MANSC1: variants seen among roughly 807,000 people sequenced by gnomAD.
The protein encoded by MANSC1 is MANSC domain-containing protein 1.
In MANSC1, 13 loss-of-function variants were observed where a neutral mutation model predicts 14.1. That is an observed-to-expected ratio of 0.92 (90% CI 0.60 to 1.46). The LOEUF is 1.46. MANSC1 is among the 40% of genes most tolerant of loss of function. The pLI is 0.00. For synonymous variants in MANSC1, 227 were observed against 200.7 expected, an observed-to-expected ratio of 1.13 and a Z score of -1.11; for missense variants, 486 against 511.4, an observed-to-expected ratio of 0.95 and a Z score of 0.48.
chr12:12,333,836 A>G (rs1468840890), intron 3 of MANSC1, among the ~76,000 whole-genome samples: 1 of 152,244 alleles, frequency 6.6e-6, no homozygotes, highest in Non-Finnish European at 1.5e-5. Context: ...ATGACATGCC[A>G]TGAAGCTGCC....
intron 2 of MANSC1, 60 bp downstream of exon 2, chr12:12,343,032 C>A: frequency 8.3e-7 from 1 of 1,211,976 alleles, no homozygotes; most frequent in Non-Finnish European, 1.2e-6. Flanking sequence ...AGCCACATCC[C>A]CCAGCTCCTG....
chr12:12,336,708 TG>T (rs1329365703), intron 3 of MANSC1, among the ~76,000 whole-genome samples: 1 of 152,076 alleles, frequency 6.6e-6, no homozygotes. Flanking sequence ...TTTAATTTTT[TG>T]TGGATATGAG....
At chr12:12,349,215 T>C (rs1863046259) in intron 1 of MANSC1, among the ~76,000 whole-genome samples, 1 of 152,212 alleles carries the variant, frequency 6.6e-6, no homozygotes, top group Admixed American at 6.5e-5. Flanking sequence ...GGATACCTTA[T>C]CGTGGACTCC....
At chr12:12,333,954 T>C (rs1226600457) in intron 3 of MANSC1, among the ~76,000 whole-genome samples, 1 of 151,982 alleles carries the variant, frequency 6.6e-6, no homozygotes, top group East Asian at 1.9e-4. Flanking sequence ...GTCAATGGGA[T>C]ATAGGAAATA....
In MANSC1 at chr12:12,328,242, C is replaced by T. The variant is rs1289288801; in HGVS notation, c.*1785G>A. 2.0e-5 allele frequency: 3 copies of T among 152,200 alleles called. No individual in the cohort carries two copies. The highest frequency in any genetic ancestry group is 7.2e-5 in the African/African-American group (3 of 41,534). The allele number at this position is 152,200 out of a possible 1,614,324, so 9.4% of individuals were successfully genotyped here. On this transcript the variant is annotated 3_prime_UTR_variant, in exon 4 of 4. Transcript: ENST00000535902. ...TGGTAACCAGTAAAAATTGTAGCAT[C>T]ATGTTAGTGCTAGTTATTATTATTA...
chr12:12,328,475 C>T lies in MANSC1; in HGVS notation c.*1552G>A, dbSNP rs2135985566. 1 of 150,536 alleles carries T rather than the reference C, an allele frequency of 6.6e-6. No homozygotes were observed. Among genetic ancestry groups the T allele is most frequent in the African/African-American group, 2.4e-5 (1 of 41,068 alleles). 9.3% of individuals were successfully genotyped at this position (150,536 alleles called of 1,614,324 possible). ...GTTTCACCGTGTTAGCCAGGATGGT[C>T]TCGATCTCCTGACCTCGTGATTTGC... On this transcript the variant is annotated 3_prime_UTR_variant, in exon 4 of 4. Coordinates refer to ENST00000535902, the MANE Select transcript of MANSC1 (RefSeq NM_018050.4).
intron 2 of MANSC1, 128 bp from the exon 3 acceptor site, chr12:12,338,688 C>T: frequency 1.2e-6 from 1 of 825,926 alleles, no homozygotes; most frequent in Non-Finnish European, 1.9e-6. Context: ...CACTTGCTTG[C>T]TGACCGCTGA....
At chr12:12,343,880 G>C (rs1255371618) in intron 1 of MANSC1, among the ~76,000 whole-genome samples, 2 of 152,148 alleles carry the variant, frequency 1.3e-5, no homozygotes, top group African/African-American at 4.8e-5. Flanking sequence ...GGAAGGCTGA[G>C]GTGGGTGGAT....
rs748070696 is a variant in MANSC1 at position 12,329,039 on chromosome 12, C to T, written c.*988G>A. ...ACACACACACACAAGTTAACTAGAACAGATCCCAAGTGGATATGGCCATTT... is the reference window on the plus strand; with the variant it reads ...ACACACACACACAAGTTAACTAGAATAGATCCCAAGTGGATATGGCCATTT... On this transcript the variant is annotated 3_prime_UTR_variant, in exon 4 of 4. Transcript: ENST00000535902. 6.8e-6 allele frequency: 1 copy of T among 147,352 alleles called. No individual in the cohort carries two copies. Among genetic ancestry groups the T allele is most frequent in the Non-Finnish European group, 1.5e-5 (1 of 67,096 alleles). The allele number at this position is 147,352 out of a possible 1,614,324, so 9.1% of individuals were successfully genotyped here. A position where few individuals can be genotyped will look rare whatever the true frequency, so the allele number is the denominator to read the frequency against.
intron 3 of MANSC1, among the ~76,000 whole-genome samples, chr12:12,335,421 A>G (rs1315125053): frequency 6.6e-6 from 1 of 150,820 alleles, no homozygotes; most frequent in African/African-American, 2.4e-5. Flanking sequence ...GCTCACTGCA[A>G]CCTCTGCCTC....
At position 12,330,077 on chromosome 12, in the gene MANSC1, G is replaced by A. The variant is rs769673400; in HGVS notation, c.1246C>T (p.Arg416Cys). Reference sequence around the variant, plus strand: ...ATCAAATAATCCAGTCTTGAGTAACGTTTCCTGCGGAGTGATTCCGAGAGG... The same window carrying A: ...ATCAAATAATCCAGTCTTGAGTAACATTTCCTGCGGAGTGATTCCGAGAGG... ...RILSESLRRK[R>C]YSRLDYLING... Residue 416 changes from arginine (R) to cysteine (C), a missense_variant, in exon 4 of 4, where the codon CGT (arginine) becomes TGT (cysteine). By Grantham distance (180) the Arg-to-Cys change is radical. Coordinates refer to ENST00000535902, the MANE Select transcript of MANSC1 (RefSeq NM_018050.4). The A allele has an allele frequency of 3.7e-5, 59 of 1,614,000 alleles. No individual in the cohort carries two copies. The highest frequency in any genetic ancestry group is 8.3e-5 in the Admixed American group (5 of 59,982).
At chr12:12,337,635 T>G (rs1338799564) in intron 3 of MANSC1, among the ~76,000 whole-genome samples, 2 of 152,166 alleles carry the variant, frequency 1.3e-5, no homozygotes, top group African/African-American at 2.4e-5. Flanking sequence ...ATGCAAATAC[T>G]GTCTATGAAG....
Position 12,330,737 on chromosome 12 carries a change from G to A in MANSC1, c.586C>T (p.Leu196Phe), listed in dbSNP as rs1255434466. 1.2e-6 allele frequency: 2 copies of A among 1,614,102 alleles called. No individual in the cohort carries two copies. The highest frequency in any genetic ancestry group is 1.7e-6 in the Non-Finnish European group (2 of 1,180,046). The change falls in exon 4 of 4, where the codon CTT becomes TTT. Residue 196 changes from leucine to phenylalanine, a missense_variant. Physicochemically the swap from Leu to Phe is conservative, Grantham distance 22. Transcript: ENST00000535902. ...FKMDEASAQL[L>F]AYKEKGHSQS... ...GAATGGCCTTTTTCCTTATAAGCAA[G>A]GAGCTGGGCACTTGCTTCATCCATC...
intron 3 of MANSC1, among the ~76,000 whole-genome samples, chr12:12,333,585 G>A (rs1257698680): frequency 1.3e-5 from 2 of 152,120 alleles, no homozygotes; most frequent in African/African-American, 2.4e-5. Context: ...TGCTCCATTC[G>A]CCTCACCCAC....
rs1002319670 is a variant in MANSC1, at chr12:12,328,290, C to T, written c.*1737G>A. The T allele has an allele frequency of 6.6e-6, 1 of 152,116 alleles. No individual in the cohort carries two copies. The highest frequency in any genetic ancestry group is 2.4e-5 in the African/African-American group (1 of 41,428). 9.4% of individuals were successfully genotyped at this position (152,116 alleles called of 1,614,324 possible). A position where few individuals can be genotyped will look rare whatever the true frequency, so the allele number is the denominator to read the frequency against. The stretch of plus-strand genomic sequence containing the variant: ...TTATTATTTTTGAGACGGAGTCTGG[C>T]TCTGTTGCCCAGGCTGGAGCGCAAT... On this transcript the variant is annotated 3_prime_UTR_variant, in exon 4 of 4. Coordinates refer to ENST00000535902, the MANE Select transcript of MANSC1 (RefSeq NM_018050.4).
chr12:12,340,659 G>T (rs1439356600), intron 2 of MANSC1, among the ~76,000 whole-genome samples: 3 of 152,106 alleles, frequency 2.0e-5, no homozygotes, highest in Non-Finnish European at 4.4e-5. Context: ...ATTAACTGAG[G>T]TTCCAAGTAC....
Position 12,344,419 on chromosome 12 carries a change from T to C in MANSC1, c.-100-1005A>G, listed in dbSNP as rs116096750. Among the ~76,000 whole-genome samples, 1,370 of 150,968 alleles carry C rather than the reference T, an allele frequency of 9.1e-3. 18 individuals are homozygous for C. The highest frequency in any genetic ancestry group is 0.032 in the Middle Eastern group (9 of 284). ...AAATCTGCTGCCAGTGCAGTTAGAA[T>C]ATAAGCAGGCAGAAAATGCGAAAAA... On this transcript the variant is annotated intron_variant, in intron 1 of 3. Transcript: ENST00000535902.
At chr12:12,340,877 T>G (rs1862924067) in intron 2 of MANSC1, among the ~76,000 whole-genome samples, 1 of 152,212 alleles carries the variant, frequency 6.6e-6, no homozygotes, top group African/African-American at 2.4e-5. Flanking sequence ...ATTAAACCTC[T>G]GTCATTTCCA....
rs1399155983 is a variant in MANSC1 at position 12,326,789 on chromosome 12, A to G, written c.*3238T>C. ...GATGTGAGCCACTATGTGCCTGGCT[A>G]AGAGTAGCTTATTTTTATTTTATTT... On this transcript the variant is annotated 3_prime_UTR_variant, in exon 4 of 4. Transcript: ENST00000535902. The G allele has an allele frequency of 6.6e-6, 1 of 151,342 alleles. No individual in the cohort carries two copies. The highest frequency in any genetic ancestry group is 6.6e-5 in the Admixed American group (1 of 15,148). 9.4% of individuals were successfully genotyped at this position (151,342 alleles called of 1,614,324 possible). A position where few individuals can be genotyped will look rare whatever the true frequency, so the allele number is the denominator to read the frequency against.
Sources: allele counts gnomAD v4.1 joint callset (sites outside exome capture counted in the v4.1 genomes callset), GRCh38; gene constraint gnomAD v4.1.1; transcripts MANE v1.5; gene names NCBI Gene and HGNC (gene_info 2026-07-23, HGNC 2026-07-21).